Variants in RYK observed in about 807,000 individuals in gnomAD.
RYK encodes receptor like tyrosine kinase.
Under a neutral mutation model 70.2 loss-of-function variants are expected in RYK, and 21 were observed. The ratio of observed to expected loss-of-function variants is 0.30; its 90% CI spans 0.21 to 0.43. The LOEUF (loss-of-function observed/expected upper bound fraction) is 0.43, where lower values mean the gene tolerates loss of function less well. Among genes scored for constraint, RYK ranks in the 20% least tolerant of loss-of-function variants. The pLI is 1.00. For missense variants in RYK, 604 were observed against 753.3 expected, an observed-to-expected ratio of 0.80 and a Z score of 2.32; for synonymous variants, 267 against 278.0, an observed-to-expected ratio of 0.96 and a Z score of 0.39.
At chr3:134,182,447 C>T (rs1487007751) in intron 10 of RYK, among the ~76,000 whole-genome samples, 5 of 151,940 alleles carry the variant, frequency 3.3e-5, no homozygotes, top group Admixed American at 2.0e-4. Context: ...TGGACATGCA[C>T]TAAAAGTACT....
chr3:134,239,289 A>T (rs2107694760), intron 1 of RYK, among the ~76,000 whole-genome samples: 1 of 152,252 alleles, frequency 6.6e-6, no homozygotes, highest in African/African-American at 2.4e-5. Context: ...GGGAGACCTC[A>T]TCTATACAAA....
chr3:134,240,688 T>C (rs1347044204), intron 1 of RYK, among the ~76,000 whole-genome samples: 1 of 152,184 alleles, frequency 6.6e-6, no homozygotes, highest in East Asian at 1.9e-4. Context: ...GTGTACCCAT[T>C]AAGCTTTTCA....
intron 9 of RYK, 118 bp from the exon 10 acceptor site, chr3:134,183,189 G>A: frequency 2.1e-6 from 1 of 486,966 alleles, no homozygotes; most frequent in Middle Eastern, 5.7e-4. Context: ...TTCATTATAA[G>A]TTACAGGTAA....
intron 13 of RYK, among the ~76,000 whole-genome samples, chr3:134,167,845 A>T (rs2012735051): frequency 6.6e-6 from 1 of 152,192 alleles, no homozygotes; most frequent in South Asian, 2.1e-4. Flanking sequence ...GCAACCTACA[A>T]AATGGGAGAA....
chr3:134,212,365 G>A (rs938932539), intron 2 of RYK, among the ~76,000 whole-genome samples: 2 of 152,208 alleles, frequency 1.3e-5, no homozygotes, highest in African/African-American at 4.8e-5. Flanking sequence ...AGCAATAGCT[G>A]AAATTCAGAA....
chr3:134,160,543 C>T (rs2108138203), intron 13 of RYK, among the ~76,000 whole-genome samples: 1 of 152,144 alleles, frequency 6.6e-6, no homozygotes, highest in Admixed American at 6.5e-5. Context: ...AGAATCTATG[C>T]AAACAAGAAA....
intron 1 of RYK, among the ~76,000 whole-genome samples, chr3:134,232,657 T>C (rs2015094015): frequency 2.0e-5 from 3 of 152,220 alleles, no homozygotes; most frequent in African/African-American, 7.2e-5. Context: ...CATTCTTTAT[T>C]AGCTAAGGTA....
chr3:134,202,984 A>T, intron 5 of RYK, 110 bp from the exon 6 acceptor site: 1 of 834,502 alleles, frequency 1.2e-6, no homozygotes, highest in Non-Finnish European at 1.8e-6. Context: ...ATTCTTTGTA[A>T]GATCAGTTAC....
chr3:134,228,575 G>T (rs1276916738), intron 1 of RYK, among the ~76,000 whole-genome samples: 1 of 152,126 alleles, frequency 6.6e-6, no homozygotes, highest in Non-Finnish European at 1.5e-5. Flanking sequence ...ATCATGTTAA[G>T]TGAAATAAGC....
At chr3:134,178,159 A>G in intron 10 of RYK, 86 bp from the exon 11 acceptor site, 1 of 947,200 alleles carries the variant, frequency 1.1e-6, no homozygotes, top group Non-Finnish European at 1.6e-6. Context: ...CTAAAACAAA[A>G]CAAAATCCCC....
chr3:134,213,949 G>A (rs889193678), intron 2 of RYK, among the ~76,000 whole-genome samples: 1 of 152,054 alleles, frequency 6.6e-6, no homozygotes, highest in African/African-American at 2.4e-5. Context: ...TGGGACTACA[G>A]GCACACGCCA....
At chr3:134,205,580 T>C (rs2014190256) in intron 5 of RYK, among the ~76,000 whole-genome samples, 2 of 152,180 alleles carry the variant, frequency 1.3e-5, no homozygotes, top group Admixed American at 1.3e-4. Flanking sequence ...ACGGCTCTGC[T>C]GGGCAGATCC....
chr3:134,250,306 C>A, intron 1 of RYK, 117 bp downstream of exon 1: 1 of 448,326 alleles, frequency 2.2e-6, no homozygotes, highest in Middle Eastern at 6.7e-4. Context: ...AATCCGGGCG[C>A]GGGGGGCGGG....
chr3:134,199,346 G>A (rs2013915524), intron 6 of RYK, among the ~76,000 whole-genome samples: 1 of 152,222 alleles, frequency 6.6e-6, no homozygotes, highest in Non-Finnish European at 1.5e-5. Context: ...GACTGTGTGA[G>A]GATTAACGGA....
At chr3:134,247,355 G>C (rs2015492728) in intron 1 of RYK, among the ~76,000 whole-genome samples, 1 of 152,178 alleles carries the variant, frequency 6.6e-6, no homozygotes, top group Non-Finnish European at 1.5e-5. Context: ...GCTACCCCTG[G>C]AAAGTAGAGC....
chr3:134,160,246 A>C (rs1247469937), intron 13 of RYK, among the ~76,000 whole-genome samples: 6 of 152,188 alleles, frequency 3.9e-5, no homozygotes, highest in African/African-American at 1.4e-4. Context: ...ACCTGTGAGA[A>C]TCATTGGTAG....
At chr3:134,198,821 T>C (rs977634263) in intron 6 of RYK, among the ~76,000 whole-genome samples, 2 of 152,232 alleles carry the variant, frequency 1.3e-5, no homozygotes, top group Non-Finnish European at 2.9e-5. Flanking sequence ...TATTTTACTA[T>C]GTGTCAGACA....
intron 4 of RYK, among the ~76,000 whole-genome samples, chr3:134,207,893 G>C (rs940485896): frequency 6.6e-6 from 1 of 152,172 alleles, no homozygotes; most frequent in African/African-American, 2.4e-5. Context: ...TATGATAAAA[G>C]AAACTTTTCT....
At chr3:134,160,748 G>A (rs900285067) in intron 13 of RYK, among the ~76,000 whole-genome samples, 1 of 152,150 alleles carries the variant, frequency 6.6e-6, no homozygotes, top group Non-Finnish European at 1.5e-5. Flanking sequence ...CCAGCTACTC[G>A]GGAGGCTGAA....
Sources: gnomAD v4.1 joint callset for allele counts (sites outside exome capture counted in the v4.1 genomes callset) on GRCh38, gnomAD v4.1.1 for gene constraint, MANE v1.5 for transcripts, NCBI Gene and HGNC (gene_info 2026-07-23, HGNC 2026-07-21) for gene names.